Variants in DGKB observed in about 807,000 individuals in gnomAD.
DGKB encodes diacylglycerol kinase beta, also known as 90 kDa diacylglycerol kinase.
A neutral mutation model predicts 114.3 loss-of-function variants in DGKB; 67 were observed. That is an observed-to-expected ratio of 0.59 (90% CI 0.48 to 0.72). The LOEUF (loss-of-function observed/expected upper bound fraction) is 0.72. Among genes scored for constraint, DGKB ranks in the 30% least tolerant of loss-of-function variants. The pLI, the probability that DGKB is intolerant of heterozygous loss-of-function variation, is 0.00. For missense variants in DGKB, 907 were observed against 975.2 expected (o/e 0.93, Z 0.93); for synonymous variants, 398 against 323.1 (o/e 1.23, Z -2.49).
At chr7:14,266,941 TG>T (rs1177253112) in intron 23 of DGKB, among the ~76,000 whole-genome samples, 7 of 152,228 alleles carry the variant, frequency 4.6e-5, no homozygotes, top group Non-Finnish European at 1.0e-4. Context: ...TTAATTTCTT[TG>T]TCATCTAAAC....
intron 23 of DGKB, among the ~76,000 whole-genome samples, chr7:14,279,161 G>A (rs1799485787): frequency 1.3e-5 from 2 of 152,186 alleles, no homozygotes; most frequent in African/African-American, 2.4e-5. Flanking sequence ...CCCGAATACT[G>A]CGCTTTTCCG....
chr7:14,293,174 A>G (rs182987955), intron 23 of DGKB, among the ~76,000 whole-genome samples: 1 of 152,340 alleles, frequency 6.6e-6, no homozygotes, highest in Non-Finnish European at 1.5e-5. Flanking sequence ...TATGTTAACA[A>G]AATTTCAATT....
intron 1 of DGKB, among the ~76,000 whole-genome samples, chr7:14,972,296 C>T (rs145717670): frequency 6.6e-6 from 1 of 152,176 alleles, no homozygotes; most frequent in African/African-American, 2.4e-5. Context: ...CTCATGTACT[C>T]TAAAAGCTAT....
At chr7:14,833,778 T>C (rs2128126752) in intron 2 of DGKB, among the ~76,000 whole-genome samples, 1 of 152,188 alleles carries the variant, frequency 6.6e-6, no homozygotes, top group African/African-American at 2.4e-5. Flanking sequence ...CATTCCTGCT[T>C]CTCCACATGC....
intron 1 of DGKB, among the ~76,000 whole-genome samples, chr7:14,955,064 T>C (rs564021966): frequency 6.6e-6 from 1 of 152,062 alleles, no homozygotes; most frequent in African/African-American, 2.4e-5. Flanking sequence ...CAGCTGACTG[T>C]AGGGTTGTGA....
chr7:14,591,060 G>C (rs1275114843), intron 17 of DGKB, among the ~76,000 whole-genome samples: 1 of 152,108 alleles, frequency 6.6e-6, no homozygotes, highest in Non-Finnish European at 1.5e-5. Flanking sequence ...AGCTGTGATA[G>C]AAGACAAGTA....
chr7:14,777,334 T>A (rs1299280004), intron 2 of DGKB, among the ~76,000 whole-genome samples: 1 of 152,050 alleles, frequency 6.6e-6, no homozygotes, highest in Non-Finnish European at 1.5e-5. Context: ...TGTTTTGAAA[T>A]GTGAGGATAT....
At chr7:14,288,988 GACA>G (rs1031981553) in intron 23 of DGKB, among the ~76,000 whole-genome samples, 1 of 152,136 alleles carries the variant, frequency 6.6e-6, no homozygotes, top group Non-Finnish European at 1.5e-5. Context: ...AGAATGATGT[GACA>G]ACGACAGAGT....
intron 1 of DGKB, among the ~76,000 whole-genome samples, chr7:14,919,741 C>G (rs941721126): frequency 6.6e-6 from 1 of 152,164 alleles, no homozygotes. Context: ...GTGTTAGGGT[C>G]ATGGGGTGTA....
At chr7:14,969,714 T>C (rs1562912556) in intron 1 of DGKB, among the ~76,000 whole-genome samples, 1 of 152,170 alleles carries the variant, frequency 6.6e-6, no homozygotes, top group Non-Finnish European at 1.5e-5. Context: ...CTGTCTTTCA[T>C]GAAACAGGTC....
At chr7:14,520,408 G>T (rs1392879515) in intron 20 of DGKB, among the ~76,000 whole-genome samples, 4 of 151,124 alleles carry the variant, frequency 2.6e-5, no homozygotes, top group Non-Finnish European at 5.9e-5. Context: ...GATTTTTAAG[G>T]TATAAACTTA....
chr7:14,830,231 A>G (rs538827737), intron 2 of DGKB, among the ~76,000 whole-genome samples: 64 of 152,226 alleles, frequency 4.2e-4, no homozygotes, highest in African/African-American at 1.5e-3. Flanking sequence ...CAGCAGTCAT[A>G]CCAAATCATA....
chr7:14,946,117 A>G (rs1417755510), intron 1 of DGKB, among the ~76,000 whole-genome samples: 1 of 140,352 alleles, frequency 7.1e-6, no homozygotes, highest in Non-Finnish European at 1.5e-5. Flanking sequence ...TTTCATTTTG[A>G]TTTGTTGAGA....
intron 1 of DGKB, among the ~76,000 whole-genome samples, chr7:14,875,835 G>A (rs773636649): frequency 6.6e-6 from 1 of 151,770 alleles, no homozygotes; most frequent in Non-Finnish European, 1.5e-5. Context: ...TTTTTGTGTC[G>A]TTGTGGTTCA....
chr7:14,364,899 A>T (rs1816387293), intron 21 of DGKB, among the ~76,000 whole-genome samples: 1 of 152,026 alleles, frequency 6.6e-6, no homozygotes, highest in South Asian at 2.1e-4. Flanking sequence ...TTTCTAAGGA[A>T]ATGCACCAAA....
chr7:14,503,433 A>G (rs373070083), intron 20 of DGKB, among the ~76,000 whole-genome samples: 84 of 151,998 alleles, frequency 5.5e-4, no homozygotes, highest in African/African-American at 8.9e-4. Flanking sequence ...CTATTACCTT[A>G]TTTTTTACCT....
In DGKB at chr7:14,792,406, T is replaced by A. The variant is rs184780780; in HGVS notation, c.71-34675A>T. ...AGAAGTAGAAAGGGAATAGATAATA[T>A]CTCTTGGAAGCCACTCAGGGAAGGC... On this transcript the variant is annotated intron_variant, in intron 2 of 25. Coordinates refer to ENST00000402815, the MANE Select transcript of DGKB (RefSeq NM_001350709.2). Among the ~76,000 whole-genome samples the A allele has an allele frequency of 7.8e-3, 1,188 of 152,228 alleles. 6 individuals are homozygous for A. The highest frequency in any genetic ancestry group is 0.013 in the Non-Finnish European group (862 of 68,012).
rs545554698 is a variant in DGKB, at chr7:14,332,349, C to T, written c.2122+6166G>A. Among the ~76,000 whole-genome samples the T allele has an allele frequency of 2.9e-4, 44 of 152,198 alleles. 1 individual carries two copies. The Middle Eastern group carries it at 0.017, about 59-fold the overall frequency. On this transcript the variant is annotated intron_variant, in intron 23 of 25. Coordinates refer to ENST00000402815, the MANE Select transcript of DGKB (RefSeq NM_001350709.2). ...AGTTGGGGTTTGAGCCAGCTGGAAT[C>T]TGGTGCCTGCACCAAGAACCACGAA...
chr7:14,202,564 A>G lies in DGKB; in HGVS notation c.2123-24413T>C, dbSNP rs185203378. Reference sequence around the variant, plus strand: ...CTGACTTTGCTAAAGATTGAAATCAATTTGCTACATTTTTGGTATCTTTTA... The same window carrying G: ...CTGACTTTGCTAAAGATTGAAATCAGTTTGCTACATTTTTGGTATCTTTTA... On this transcript the variant is annotated intron_variant, in intron 23 of 25. Transcript: ENST00000402815. Among the ~76,000 whole-genome samples, 45 of 152,176 alleles carry G rather than the reference A, an allele frequency of 3.0e-4. No homozygotes were observed. In the East Asian group the frequency reaches 5.6e-3, roughly 19 times the overall value.
Sources: allele counts gnomAD v4.1 joint callset (sites outside exome capture counted in the v4.1 genomes callset), GRCh38; gene constraint gnomAD v4.1.1; transcripts MANE v1.5; gene names NCBI Gene and HGNC (gene_info 2026-07-23, HGNC 2026-07-21).